The following PNLIPRP1 variants were observed in gnomAD, a reference collection of about 807,000 sequenced individuals.
PNLIPRP1 encodes pancreatic lipase related protein 1.
Under a neutral mutation model 54.6 loss-of-function variants are expected in PNLIPRP1, and 57 were observed. The ratio of observed to expected loss-of-function variants is 1.04; its 90% CI spans 0.84 to 1.30. The LOEUF (loss-of-function observed/expected upper bound fraction) is 1.30. Among genes scored for constraint, PNLIPRP1 ranks in the 50% most tolerant of loss-of-function variants. PNLIPRP1 has a pLI of 0.00. For synonymous variants in PNLIPRP1, 232 were observed against 208.8 expected (o/e 1.11, Z -0.96); for missense variants, 567 against 568.5 (o/e 1.00, Z 0.03).
chr10:116,608,108 G>A (rs113610914), intron 12 of PNLIPRP1, among the ~76,000 whole-genome samples: 77 of 152,160 alleles, frequency 5.1e-4, no homozygotes, highest in African/African-American at 1.5e-3. Flanking sequence ...CACCTGCCTC[G>A]ACCTCCCAAA....
At chr10:116,594,535 G>T (rs1011295633) in intron 4 of PNLIPRP1, 195 bp from the exon 5 acceptor site, 1 of 636,114 alleles carries the variant, frequency 1.6e-6, no homozygotes, top group Non-Finnish European at 2.8e-6. Context: ...AAGCTGGAGG[G>T]GGAATCAGTT....
chr10:116,601,972 A>C (rs1389757645), intron 10 of PNLIPRP1, among the ~76,000 whole-genome samples: 1 of 152,194 alleles, frequency 6.6e-6, no homozygotes, highest in African/African-American at 2.4e-5. Flanking sequence ...ACACCTCCAA[A>C]TCAAGATACA....
chr10:116,591,550 G>T (rs1045401821), intron 2 of PNLIPRP1, among the ~76,000 whole-genome samples: 1 of 152,134 alleles, frequency 6.6e-6, no homozygotes, highest in Non-Finnish European at 1.5e-5. Context: ...CTAAACAAAG[G>T]CTCCAGTGGT....
chr10:116,603,618 T>C (rs3010500), intron 10 of PNLIPRP1, among the ~76,000 whole-genome samples: 135,250 of 152,206 alleles, frequency 0.89, 60,447 homozygotes, highest in East Asian at 1. Context: ...TTTGGCTGGG[T>C]GTGGTGGCTC....
At chr10:116,594,989 A>G in intron 5 of PNLIPRP1, 125 bp downstream of exon 5, 1 of 1,201,950 alleles carries the variant, frequency 8.3e-7, no homozygotes, top group South Asian at 1.6e-5. Flanking sequence ...CCTTACTTCT[A>G]AAACTCTGAA....
At chr10:116,592,666 C>G in intron 4 of PNLIPRP1, 125 bp downstream of exon 4, 1 of 1,186,658 alleles carries the variant, frequency 8.4e-7, no homozygotes, top group Non-Finnish European at 1.2e-6. Flanking sequence ...AAATGCTTCT[C>G]TTCACAAAAA....
intron 10 of PNLIPRP1, among the ~76,000 whole-genome samples, chr10:116,603,661 C>T (rs577747262): frequency 1.3e-5 from 2 of 152,172 alleles, no homozygotes; most frequent in South Asian, 4.2e-4. Flanking sequence ...GGGAGGCGGA[C>T]ACGGGCGGAT....
At chr10:116,594,655 A>G (rs1554863686) in intron 4 of PNLIPRP1, 75 bp from the exon 5 acceptor site, 1 of 1,559,570 alleles carries the variant, frequency 6.4e-7, no homozygotes, top group East Asian at 2.2e-5. Context: ...AGAAGTGGCC[A>G]TTTCTGAGCC....
chr10:116,594,398 T>C, intron 4 of PNLIPRP1: 1 of 511,052 alleles, frequency 2.0e-6, no homozygotes, highest in Non-Finnish European at 3.8e-6. Context: ...CACCGGAGAT[T>C]GCACCTAAGA....
chr10:116,602,134 G>A (rs1228632547), intron 10 of PNLIPRP1, among the ~76,000 whole-genome samples: 1 of 151,626 alleles, frequency 6.6e-6, no homozygotes, highest in African/African-American at 2.4e-5. Context: ...TCCTGCCTCA[G>A]CCTCCCGAGT....
In PNLIPRP1 at chr10:116,597,858, G is replaced by C; in HGVS notation, c.605G>C (p.Ser202Thr). The C allele has an allele frequency of 6.2e-7, 1 of 1,614,160 alleles. No homozygotes were observed. Among genetic ancestry groups the C allele is most frequent in the Non-Finnish European group, 8.5e-7 (1 of 1,180,018 alleles). Residue 202 changes from serine (S) to threonine (T), a missense_variant, in exon 7 of 13, where the codon AGT becomes ACT. Physicochemically the swap from Ser to Thr is moderately conservative, Grantham distance 58. Transcript: ENST00000358834. The part of the protein sequence containing the change: ...GLDPVEASFE[S>T]TPEEVRLDPS... ...GATCCTGTAGAAGCAAGTTTCGAGAGTACTCCTGAAGAGGTGCGACTTGAT... is the reference window on the plus strand; with the variant it reads ...GATCCTGTAGAAGCAAGTTTCGAGACTACTCCTGAAGAGGTGCGACTTGAT...
chr10:116,592,748 C>A, intron 4 of PNLIPRP1: 1 of 656,564 alleles, frequency 1.5e-6, no homozygotes, highest in South Asian at 1.5e-5. Context: ...TAGAAAAGTA[C>A]TCCTACTACC....
intron 12 of PNLIPRP1, among the ~76,000 whole-genome samples, chr10:116,606,845 G>C (rs997393263): frequency 3.9e-5 from 6 of 152,048 alleles, no homozygotes; most frequent in African/African-American, 1.4e-4. Flanking sequence ...AGCTCCCCTC[G>C]CTGTCTGCTC....
At chr10:116,591,994 T>A in intron 3 of PNLIPRP1, 69 bp downstream of exon 3, 1 of 1,527,502 alleles carries the variant, frequency 6.5e-7, no homozygotes, top group Non-Finnish European at 9.0e-7. Context: ...AGACCATGAA[T>A]ACCTTATCTC....
chr10:116,604,074 A>C lies in PNLIPRP1; in HGVS notation c.1108A>C (p.Thr370Pro). The C allele has an allele frequency of 6.2e-7, 1 of 1,613,844 alleles. No homozygotes were observed. Among genetic ancestry groups the C allele is most frequent in the Non-Finnish European group, 8.5e-7 (1 of 1,179,792 alleles). ...VSITLSGRTA[T>P]GQIKVALFGN... ...CATCACACTGTCTGGAAGAACAGCC[A>C]CTGGTCAGATCAAAGTTGCTTTGTT... The change falls in exon 11 of 13, where the codon ACT becomes CCT. Residue 370 changes from threonine (T) to proline (P), a missense_variant. Physicochemically the swap from Thr to Pro is conservative, Grantham distance 38 (BLOSUM62 -1). Coordinates refer to ENST00000358834, the MANE Select transcript of PNLIPRP1 (RefSeq NM_006229.4).
In PNLIPRP1 at chr10:116,594,765, C is replaced by A. The variant is rs782174356; in HGVS notation, c.366C>A (p.Cys122Ter). ...LFEVEEVNCI[C>*]VDWKKGSQAT... ...AGGTGGAGGAGGTGAACTGCATCTG[C>A]GTGGACTGGAAGAAGGGCTCCCAAG... is the stretch of plus-strand genomic sequence containing the variant. Residue 122 changes from cysteine (C) to a stop codon, truncating the protein, a stop_gained, in exon 5 of 13, where the codon TGC (cysteine) becomes TGA (stop). Coordinates refer to ENST00000358834, the MANE Select transcript of PNLIPRP1 (RefSeq NM_006229.4). LOFTEE classifies it high-confidence loss of function. 1.2e-6 allele frequency: 2 copies of A among 1,614,124 alleles called. No individual in the cohort carries two copies.
intron 6 of PNLIPRP1, among the ~76,000 whole-genome samples, chr10:116,596,671 G>C (rs373736075): frequency 6.6e-6 from 1 of 152,068 alleles, no homozygotes; most frequent in Non-Finnish European, 1.5e-5. Flanking sequence ...ATCAAGGAGG[G>C]TCTATATTGC....
chr10:116,594,288 A>T (rs1554863628), intron 4 of PNLIPRP1: 1 of 504,502 alleles, frequency 2.0e-6, no homozygotes, highest in Non-Finnish European at 4.0e-6. Context: ...GACTATAAAA[A>T]TAGTGAAACT....
At chr10:116,591,360 TC>T (rs1229421612) in intron 2 of PNLIPRP1, among the ~76,000 whole-genome samples, 182 bp downstream of exon 2, 4 of 152,018 alleles carry the variant, frequency 2.6e-5, no homozygotes, top group African/African-American at 7.3e-5. Flanking sequence ...TTTCTGGGGA[TC>T]CCCCCAGTGG....
Sources: allele counts gnomAD v4.1 joint callset (sites outside exome capture counted in the v4.1 genomes callset), GRCh38; gene constraint gnomAD v4.1.1; transcripts MANE v1.5; gene names NCBI Gene and HGNC (gene_info 2026-07-23, HGNC 2026-07-21).